OPTN: variants seen among roughly 807,000 people sequenced by gnomAD.
OPTN encodes optineurin, also known as E3-14.7K-interacting protein.
OPTN carries 54 observed loss-of-function variants against 70.4 expected under a neutral mutation model. That is an observed-to-expected ratio of 0.77 (90% CI 0.62 to 0.96). The LOEUF (loss-of-function observed/expected upper bound fraction) is 0.96. Among genes scored for constraint, OPTN ranks in the 40% least tolerant of loss-of-function variants. OPTN has a pLI of 0.00. For missense variants in OPTN, 624 were observed against 673.2 expected (o/e 0.93, Z 0.81); for synonymous variants, 256 against 248.5 (o/e 1.03, Z -0.28).
At chr10:13,117,298 T>C (rs1306023435) in intron 6 of OPTN, among the ~76,000 whole-genome samples, 3 of 151,756 alleles carry the variant, frequency 2.0e-5, no homozygotes, top group Admixed American at 2.0e-4. Flanking sequence ...GCCAGGATGG[T>C]CTCGATCTCC....
intron 1 of OPTN, chr10:13,104,779 A>T: frequency 3.4e-6 from 2 of 589,420 alleles, no homozygotes; most frequent in South Asian, 3.0e-5. Flanking sequence ...CCTTCTAGCC[A>T]TCTGGTTAGA....
intron 6 of OPTN, among the ~76,000 whole-genome samples, chr10:13,117,107 A>T (rs599988): frequency 7.2e-6 from 1 of 139,206 alleles, no homozygotes. Flanking sequence ...TTGAGACGGA[A>T]TCTTGTTCTG....
chr10:13,136,668 C>T (rs1484726685), intron 14 of OPTN, 77 bp from the exon 15 acceptor site: 5 of 1,569,210 alleles, frequency 3.2e-6, no homozygotes, highest in East Asian at 2.3e-5. Context: ...TGTTAAAACT[C>T]GCCATCTGTT....
In OPTN at chr10:13,109,301, G is replaced by A; in HGVS notation, c.166+13G>A. ...CACCAGCTGAAAGGTGAGCAGGGCT[G>A]GCCCCTGTGTGCCCCATTCATCCTG... is the stretch of plus-strand genomic sequence containing the variant. On this transcript the variant is annotated intron_variant, in intron 3 of 14. Coordinates refer to ENST00000378747, the MANE Select transcript of OPTN (RefSeq NM_001008212.2). 6.2e-7 allele frequency: 1 copy of A among 1,613,658 alleles called. No individual in the cohort carries two copies. Among genetic ancestry groups the A allele is most frequent in the Non-Finnish European group, 8.5e-7 (1 of 1,179,806 alleles).
intron 1 of OPTN, among the ~76,000 whole-genome samples, chr10:13,101,920 T>G (rs1832757108): frequency 6.6e-6 from 1 of 152,218 alleles, no homozygotes; most frequent in African/African-American, 2.4e-5. Flanking sequence ...TATGCTATAT[T>G]TTCATTTCAT....
At chr10:13,105,497 T>G (rs1344936815) in intron 1 of OPTN, among the ~76,000 whole-genome samples, 1 of 152,210 alleles carries the variant, frequency 6.6e-6, no homozygotes, top group Non-Finnish European at 1.5e-5. Context: ...GACCCCACTT[T>G]TTTCCTCGTA....
intron 6 of OPTN, among the ~76,000 whole-genome samples, chr10:13,117,447 T>TG (rs1554769472): frequency 1.2e-4 from 5 of 40,586 alleles, no homozygotes; most frequent in African/African-American, 3.0e-4. Flanking sequence ...GAGTTTTTTT[T>TG]TTTTTTTTTT....
chr10:13,101,571 G>C (rs1400457154), intron 1 of OPTN, among the ~76,000 whole-genome samples: 1 of 151,310 alleles, frequency 6.6e-6, no homozygotes, highest in Non-Finnish European at 1.5e-5. Context: ...ATGTTCTTTG[G>C]AATTTATGAA....
intron 8 of OPTN, chr10:13,122,967 G>A (rs949080810): frequency 1.0e-4 from 19 of 186,414 alleles, no homozygotes; most frequent in Middle Eastern, 6.9e-4. Context: ...GAGCCACTGC[G>A]CCCAGCTGCA....
intron 7 of OPTN, 128 bp downstream of exon 7, chr10:13,119,168 T>C: frequency 1.1e-6 from 1 of 889,320 alleles, no homozygotes; most frequent in Non-Finnish European, 1.8e-6. Flanking sequence ...TCCAGGATTG[T>C]GCAACCACTG....
rs34942122 is a variant in OPTN, at chr10:13,111,844, G to GTTTTT, written c.370-592_370-588dup. ...TTTGATTTGTATTTGTTTTTTGACT[G>GTTTTT]TTTTTTTTTTTTTTTTTTTTTGAGA... On this transcript the variant is annotated intron_variant, in intron 4 of 14. Coordinates refer to ENST00000378747, the MANE Select transcript of OPTN (RefSeq NM_001008212.2). Among the ~76,000 whole-genome samples the GTTTTT allele has an allele frequency of 4.7e-4, 41 of 87,724 alleles. 1 individual carries two copies. Among genetic ancestry groups the GTTTTT allele is most frequent in the East Asian group, 1.1e-3 (3 of 2,696 alleles). The allele number at this position is 87,724 out of a possible 152,430, so 57.6% of individuals were successfully genotyped here.
chr10:13,121,734 C>T (rs1370285280), intron 7 of OPTN, among the ~76,000 whole-genome samples: 1 of 152,072 alleles, frequency 6.6e-6, no homozygotes, highest in African/African-American at 2.4e-5. Context: ...CTGGTAAGGC[C>T]CCACTCAGAC....
intron 3 of OPTN, 200 bp downstream of exon 3, chr10:13,109,488 G>A (rs997662846): frequency 3.4e-6 from 2 of 584,644 alleles, no homozygotes; most frequent in African/African-American, 3.7e-5. Flanking sequence ...AGTAAAAACT[G>A]TGTGTATCTC....
In OPTN at chr10:13,109,242, G is replaced by T. The variant is rs768586357; in HGVS notation, c.120G>T (p.Leu40=). 11 of 1,613,990 alleles carry T rather than the reference G, an allele frequency of 6.8e-6. No individual in the cohort carries two copies. In the East Asian group the frequency reaches 2.5e-4, roughly 36 times the overall value. The change falls in exon 3 of 15, where the codon CTG becomes CTT. Residue 40 remains leucine (L), a synonymous_variant. Transcript: ENST00000378747. The part of the protein sequence containing the change: ...PNLDTFTPEE[L]LQQMKELLTE... ...TGGACACGTTTACCCCGGAGGAGCT[G>T]CTGCAGCAGATGAAAGAGCTCCTGA...
At chr10:13,109,712 C>T (rs1331284282) in intron 3 of OPTN, 3 of 174,504 alleles carry the variant, frequency 1.7e-5, no homozygotes, top group Non-Finnish European at 3.6e-5. Context: ...GTGCACGCCT[C>T]TGGTCCTAGC....
At chr10:13,117,735 C>T (rs1441761922) in intron 6 of OPTN, among the ~76,000 whole-genome samples, 2 of 152,204 alleles carry the variant, frequency 1.3e-5, no homozygotes, top group African/African-American at 4.8e-5. Flanking sequence ...GCGTGAGCCA[C>T]TGCGCCCAGC....
At chr10:13,120,546 G>C (rs1478900456) in intron 7 of OPTN, among the ~76,000 whole-genome samples, 1 of 150,844 alleles carries the variant, frequency 6.6e-6, no homozygotes, top group African/African-American at 2.4e-5. Flanking sequence ...ACTCCAGCCT[G>C]GGTGACAGAG....
chr10:13,114,650 A>G (rs1833081857), intron 5 of OPTN, among the ~76,000 whole-genome samples: 1 of 147,620 alleles, frequency 6.8e-6, no homozygotes, highest in South Asian at 2.1e-4. Context: ...GAGAAAAAAT[A>G]TATGTATCTA....
Position 13,125,489 on chromosome 10 carries a change from C to G in OPTN, c.1070C>G (p.Thr357Ser). 6.2e-7 allele frequency: 1 copy of G among 1,614,012 alleles called. No individual in the cohort carries two copies. Among genetic ancestry groups the G allele is most frequent in the Non-Finnish European group, 8.5e-7 (1 of 1,179,958 alleles). The change falls in exon 10 of 15, where the codon ACT (threonine) becomes AGT (serine). Residue 357 changes from threonine (T) to serine (S), a missense_variant. Coordinates refer to ENST00000378747, the MANE Select transcript of OPTN (RefSeq NM_001008212.2). The part of the protein sequence containing the change: ...ELNEKQELVY[T>S]NKKLELQVES... Reference sequence around the variant, plus strand: ...AATGAAAAGCAAGAGCTTGTTTATACTAACAAAAAGTTAGAGCTACAAGTG... The same window carrying G: ...AATGAAAAGCAAGAGCTTGTTTATAGTAACAAAAAGTTAGAGCTACAAGTG...
Sources: gnomAD v4.1 joint callset for allele counts (sites outside exome capture counted in the v4.1 genomes callset) on GRCh38, gnomAD v4.1.1 for gene constraint, MANE v1.5 for transcripts, NCBI Gene and HGNC (gene_info 2026-07-23, HGNC 2026-07-21) for gene names.